The following SPAG16 variants were observed in gnomAD, a reference collection of about 807,000 sequenced individuals.
SPAG16 encodes sperm-associated antigen 16 protein.
In SPAG16, 86 loss-of-function variants were observed where a neutral mutation model predicts 80.4. The observed-to-expected ratio is 1.07, with a 90% CI of 0.90 to 1.28. The LOEUF is 1.28. Ranked by LOEUF, SPAG16 falls within the 50% of genes most tolerant of loss-of-function variation. SPAG16 has a pLI of 0.00. For missense variants in SPAG16, 870 were observed against 765.3 expected, an observed-to-expected ratio of 1.14 and a Z score of -1.61; for synonymous variants, 294 against 265.9, an observed-to-expected ratio of 1.11 and a Z score of -1.03.
intron 12 of SPAG16, among the ~76,000 whole-genome samples, chr2:213,956,499 G>A (rs1173565823): frequency 7.0e-6 from 1 of 143,384 alleles, no homozygotes; most frequent in Non-Finnish European, 1.5e-5. Context: ...CCAGGCTGGA[G>A]TGCAGTGGTG....
chr2:213,756,321 ATAAAT>A (rs2068330528), intron 10 of SPAG16, among the ~76,000 whole-genome samples: 3 of 152,136 alleles, frequency 2.0e-5, no homozygotes, highest in African/African-American at 7.2e-5. Flanking sequence ...TCTCAAAAAA[ATAAAT>A]AAATAAATAA....
At chr2:213,908,488 C>A (rs527256280) in intron 11 of SPAG16, among the ~76,000 whole-genome samples, 4 of 152,174 alleles carry the variant, frequency 2.6e-5, no homozygotes, top group Non-Finnish European at 5.9e-5. Flanking sequence ...TTCTTGGGTT[C>A]AGTCTCCCTC....
At chr2:214,198,409 C>T (rs1277297551) in intron 15 of SPAG16, among the ~76,000 whole-genome samples, 1 of 152,050 alleles carries the variant, frequency 6.6e-6, no homozygotes, top group Non-Finnish European at 1.5e-5. Flanking sequence ...CCAGCTCCAT[C>T]CAAGTTTCTG....
chr2:214,009,326 T>C (rs2047178985), intron 12 of SPAG16, among the ~76,000 whole-genome samples: 1 of 152,040 alleles, frequency 6.6e-6, no homozygotes, highest in Non-Finnish European at 1.5e-5. Context: ...TCTATTTCCG[T>C]ATTTGATAGT....
intron 15 of SPAG16, among the ~76,000 whole-genome samples, chr2:214,206,777 G>A (rs77845142): frequency 0.012 from 1,869 of 152,124 alleles, 41 homozygotes; most frequent in African/African-American, 0.043. Context: ...ATTCTCATCA[G>A]CATTTGTTAT....
chr2:213,301,283 T>C (rs544141796), intron 3 of SPAG16, among the ~76,000 whole-genome samples: 70 of 152,294 alleles, frequency 4.6e-4, no homozygotes, highest in Non-Finnish European at 7.8e-4. Flanking sequence ...AAGCCATGTC[T>C]ACAGATTATC....
rs551697562 is a variant in SPAG16, at chr2:214,127,433, T to C, written c.1593+19172T>C. On this transcript the variant is annotated intron_variant, in intron 14 of 15. Coordinates refer to ENST00000331683, the MANE Select transcript of SPAG16 (RefSeq NM_024532.5). ...AAAAGGAATGCTGTGTTTCTTTATCTGGTAGATGGAAAGAGCAGAGTGGGA... is the reference window on the plus strand; with the variant it reads ...AAAAGGAATGCTGTGTTTCTTTATCCGGTAGATGGAAAGAGCAGAGTGGGA... Among the ~76,000 whole-genome samples the C allele has an allele frequency of 4.6e-5, 7 of 151,826 alleles. No homozygotes were observed. In the East Asian group the frequency reaches 1.4e-3, roughly 29 times the overall value.
In SPAG16 at chr2:214,054,541, C is replaced by T. The variant is rs2049835030; in HGVS notation, c.1527+40464C>T. The stretch of plus-strand genomic sequence containing the variant: ...ATATATTTCTGAGGCCTAACAGACC[C>T]CAATGAAGAAAATATCCACCAAATT... On this transcript the variant is annotated intron_variant, in intron 13 of 15. Transcript: ENST00000331683. Among the ~76,000 whole-genome samples, 4 of 152,012 alleles carry T rather than the reference C, an allele frequency of 2.6e-5. No individual in the cohort carries two copies. In the South Asian group the frequency reaches 8.3e-4, roughly 31 times the overall value.
intron 14 of SPAG16, among the ~76,000 whole-genome samples, chr2:214,120,341 T>G (rs908645958): frequency 1.1e-4 from 17 of 152,002 alleles, no homozygotes; most frequent in African/African-American, 3.9e-4. Flanking sequence ...TTACTACATT[T>G]CTTATAGAAA....
At chr2:214,319,911 A>C (rs143780281) in intron 15 of SPAG16, among the ~76,000 whole-genome samples, 1 of 152,242 alleles carries the variant, frequency 6.6e-6, no homozygotes, top group Non-Finnish European at 1.5e-5. Flanking sequence ...ATGCTTTTCA[A>C]ATAGCTGCCT....
intron 13 of SPAG16, among the ~76,000 whole-genome samples, chr2:214,042,447 AC>A (rs2049088402): frequency 6.6e-6 from 1 of 151,808 alleles, no homozygotes; most frequent in Admixed American, 6.6e-5. Context: ...AACAACAACA[AC>A]AACAACAACA....
At chr2:213,498,877 G>A (rs907500541) in intron 10 of SPAG16, among the ~76,000 whole-genome samples, 1 of 152,000 alleles carries the variant, frequency 6.6e-6, no homozygotes, top group African/African-American at 2.4e-5. Context: ...AGTCATTCAC[G>A]TCTGTCAAAG....
intron 10 of SPAG16, among the ~76,000 whole-genome samples, chr2:213,819,764 G>A (rs187085708): frequency 6.9e-6 from 1 of 145,812 alleles, no homozygotes; most frequent in Non-Finnish European, 1.5e-5. Flanking sequence ...TGGTTGGTTG[G>A]TTTTTTTTTT....
chr2:213,787,361 G>A (rs954888965), intron 10 of SPAG16, among the ~76,000 whole-genome samples: 6 of 152,048 alleles, frequency 3.9e-5, no homozygotes, highest in African/African-American at 1.4e-4. Flanking sequence ...TAGACCAAGA[G>A]CTACTAAGCT....
chr2:213,538,452 A>G (rs990209841), intron 10 of SPAG16, among the ~76,000 whole-genome samples: 4 of 152,170 alleles, frequency 2.6e-5, no homozygotes, highest in Non-Finnish European at 4.4e-5. Context: ...TTTTCTAAGG[A>G]TAACTTTCTC....
At chr2:214,111,233 A>C (rs982525666) in intron 14 of SPAG16, among the ~76,000 whole-genome samples, 1 of 152,134 alleles carries the variant, frequency 6.6e-6, no homozygotes, top group African/African-American at 2.4e-5. Flanking sequence ...GGTATTCCCT[A>C]GGTTTTCCTC....
chr2:213,404,622 C>CAA (rs1432413101), intron 9 of SPAG16, among the ~76,000 whole-genome samples: 2 of 152,152 alleles, frequency 1.3e-5, no homozygotes, highest in African/African-American at 4.8e-5. Context: ...AAAACCTAGG[C>CAA]AATACCATTC....
At chr2:214,076,209 T>A (rs1248382601) in intron 13 of SPAG16, among the ~76,000 whole-genome samples, 1 of 152,212 alleles carries the variant, frequency 6.6e-6, no homozygotes, top group Non-Finnish European at 1.5e-5. Flanking sequence ...TGAGGTATAT[T>A]TATCTTCTTG....
At chr2:213,380,974 C>T (rs1352169088) in intron 9 of SPAG16, among the ~76,000 whole-genome samples, 3 of 152,196 alleles carry the variant, frequency 2.0e-5, no homozygotes, top group African/African-American at 2.4e-5. Flanking sequence ...AGGCATTGTG[C>T]CTCTTTCCTG....
Sources: allele counts gnomAD v4.1 joint callset (sites outside exome capture counted in the v4.1 genomes callset), GRCh38; gene constraint gnomAD v4.1.1; transcripts MANE v1.5; gene names NCBI Gene and HGNC (gene_info 2026-07-23, HGNC 2026-07-21).